Variants in ESRRG observed in about 807,000 individuals in gnomAD.
ESRRG encodes estrogen-related receptor gamma.
Under a neutral mutation model 44.0 loss-of-function variants are expected in ESRRG, and 13 were observed. The ratio of observed to expected loss-of-function variants is 0.30; its 90% CI spans 0.19 to 0.47. The LOEUF is 0.47. ESRRG is among the 20% of genes least tolerant of loss of function. ESRRG has a pLI of 1.00. For missense variants in ESRRG, 395 were observed against 580.6 expected, an observed-to-expected ratio of 0.68 and a Z score of 3.29; for synonymous variants, 215 against 214.6, an observed-to-expected ratio of 1.00 and a Z score of -0.02.
intron 2 of ESRRG, among the ~76,000 whole-genome samples, chr1:216,919,578 C>G (rs779345404): frequency 3.3e-5 from 5 of 152,150 alleles, no homozygotes; most frequent in African/African-American, 1.2e-4. Flanking sequence ...AGAATATTTT[C>G]TATTTATTCT....
At chr1:216,594,744 C>T (rs554337077) in intron 3 of ESRRG, among the ~76,000 whole-genome samples, 1 of 152,316 alleles carries the variant, frequency 6.6e-6, no homozygotes, top group East Asian at 1.9e-4. Flanking sequence ...TTTAGAAAGA[C>T]AGCATCACTA....
intron 2 of ESRRG, among the ~76,000 whole-genome samples, chr1:216,803,691 C>G (rs754983581): frequency 2.0e-5 from 3 of 152,068 alleles, no homozygotes; most frequent in Non-Finnish European, 4.4e-5. Context: ...TCACACAATC[C>G]CTGCAGCTCC....
intron 2 of ESRRG, among the ~76,000 whole-genome samples, chr1:216,868,104 T>TTA (rs71163770): frequency 8.7e-6 from 1 of 114,590 alleles, no homozygotes; most frequent in East Asian, 2.0e-4. Context: ...TTTTTTTTTT[T>TTA]GAGACAGAGT....
chr1:216,891,816 T>C (rs968585790), intron 2 of ESRRG, among the ~76,000 whole-genome samples: 2 of 148,932 alleles, frequency 1.3e-5, no homozygotes, highest in Admixed American at 6.7e-5. Flanking sequence ...TTTTTTTTTT[T>C]TGAGATGGAG....
At chr1:216,871,980 C>G (rs2096265533) in intron 2 of ESRRG, among the ~76,000 whole-genome samples, 1 of 151,986 alleles carries the variant, frequency 6.6e-6, no homozygotes, top group African/African-American at 2.4e-5. Flanking sequence ...TAGAAATTAT[C>G]TTAGAGCTGA....
At chr1:216,984,054 G>T (rs894593074) in intron 1 of ESRRG, among the ~76,000 whole-genome samples, 8 of 149,146 alleles carry the variant, frequency 5.4e-5, no homozygotes, top group African/African-American at 1.5e-4. Context: ...AGAATGGGGG[G>T]GGGTATGTGG....
intron 5 of ESRRG, among the ~76,000 whole-genome samples, chr1:216,523,662 G>C (rs1235653524): frequency 6.6e-6 from 1 of 152,086 alleles, no homozygotes; most frequent in Non-Finnish European, 1.5e-5. Flanking sequence ...CCTGAACAGA[G>C]TGTTGACAGA....
chr1:216,622,513 G>T (rs939455393), intron 3 of ESRRG, among the ~76,000 whole-genome samples: 1 of 151,888 alleles, frequency 6.6e-6, no homozygotes, highest in Non-Finnish European at 1.5e-5. Context: ...TGTTAGAATG[G>T]CCTACACGTT....
intron 2 of ESRRG, among the ~76,000 whole-genome samples, chr1:216,749,837 AAAAC>A (rs1054002723): frequency 4.6e-5 from 7 of 152,318 alleles, no homozygotes; most frequent in Middle Eastern, 3.4e-3. Flanking sequence ...GAGGTTTATC[AAAAC>A]AAACAAAAAA....
intron 1 of ESRRG, among the ~76,000 whole-genome samples, chr1:217,054,401 A>G (rs2086683607): frequency 6.6e-6 from 1 of 152,168 alleles, no homozygotes; most frequent in Non-Finnish European, 1.5e-5. Context: ...ACCAAAACTC[A>G]GAAACGTCTT....
chr1:216,713,996 C>T (rs548690907), intron 1 of ESRRG, among the ~76,000 whole-genome samples: 111 of 152,280 alleles, frequency 7.3e-4, no homozygotes, highest in Admixed American at 1.2e-3. Flanking sequence ...ATCTGATAAA[C>T]CCCCAACTAA....
chr1:217,068,390 C>A (rs2090084003), intron 1 of ESRRG, among the ~76,000 whole-genome samples: 1 of 150,822 alleles, frequency 6.6e-6, no homozygotes, highest in Non-Finnish European at 1.5e-5. Flanking sequence ...GGCGTTTAAT[C>A]CCCTTCCTAA....
chr1:217,104,813 AT>A (rs1183600314), intron 1 of ESRRG, among the ~76,000 whole-genome samples: 1 of 152,206 alleles, frequency 6.6e-6, no homozygotes, highest in Non-Finnish European at 1.5e-5. Flanking sequence ...TGTATCCAAT[AT>A]TTTTTAATTG....
intron 1 of ESRRG, among the ~76,000 whole-genome samples, chr1:216,687,431 C>G (rs2078219201): frequency 6.6e-6 from 1 of 152,160 alleles, no homozygotes; most frequent in Non-Finnish European, 1.5e-5. Flanking sequence ...TTTCTACCAA[C>G]TGTTAGTTGC....
intron 2 of ESRRG, among the ~76,000 whole-genome samples, chr1:216,730,126 C>G (rs531177172): frequency 6.6e-6 from 1 of 152,026 alleles, no homozygotes; most frequent in African/African-American, 2.4e-5. Flanking sequence ...TCGTTAGCAA[C>G]AAGCCACCAA....
At chr1:216,975,891 C>T (rs2072772355) in intron 1 of ESRRG, among the ~76,000 whole-genome samples, 1 of 152,148 alleles carries the variant, frequency 6.6e-6, no homozygotes, top group Non-Finnish European at 1.5e-5. Context: ...GATCCCAGGA[C>T]AAATCATTTT....
chr1:216,637,893 A>T (rs2065617105), intron 3 of ESRRG, among the ~76,000 whole-genome samples: 1 of 152,192 alleles, frequency 6.6e-6, no homozygotes, highest in Non-Finnish European at 1.5e-5. Context: ...AATATAAAAG[A>T]ACATTTATTT....
intron 1 of ESRRG, among the ~76,000 whole-genome samples, chr1:217,058,504 A>T (rs1350462151): frequency 1.3e-5 from 2 of 152,132 alleles, no homozygotes; most frequent in Non-Finnish European, 2.9e-5. Flanking sequence ...TTGTGGACTT[A>T]AGTTTAAAGG....
rs113164216 is a variant in ESRRG, at chr1:216,745,329, G to GGTTTGTTT, written c.-13-67846_-13-67839dup. Among the ~76,000 whole-genome samples the GGTTTGTTT allele has an allele frequency of 3.2e-4, 48 of 151,378 alleles. 1 individual carries two copies. The highest frequency in any genetic ancestry group is 1.2e-3 in the African/African-American group (48 of 41,098). On this transcript the variant is annotated intron_variant, in intron 2 of 7. Coordinates refer to the ESRRG transcript ENST00000359162. The stretch of plus-strand genomic sequence containing the variant: ...CACACACCATCATGCACACCTATGT[G>GGTTTGTTT]GTTTGTTTGTTTGTTTGTTTGTTTA...
Sources: allele counts gnomAD v4.1 joint callset (sites outside exome capture counted in the v4.1 genomes callset), GRCh38; gene constraint gnomAD v4.1.1; transcripts MANE v1.5; gene names NCBI Gene and HGNC (gene_info 2026-07-23, HGNC 2026-07-21).